PLPP4: variants seen among roughly 807,000 people sequenced by gnomAD.
PLPP4 encodes phospholipid phosphatase 4, also known as diacylglycerol pyrophosphate like 2.
A neutral mutation model predicts 32.2 loss-of-function variants in PLPP4; 20 were observed. The observed-to-expected ratio is 0.62, with a 90% CI of 0.44 to 0.90. The LOEUF is 0.90. Among genes scored for constraint, PLPP4 ranks in the 40% least tolerant of loss-of-function variants. The pLI is 0.00. For synonymous variants in PLPP4, 127 were observed against 133.0 expected (o/e 0.95, Z 0.31); for missense variants, 257 against 353.1 (o/e 0.73, Z 2.18).
chr10:120,574,646 A>G (rs1194479820), intron 5 of PLPP4, among the ~76,000 whole-genome samples: 1 of 152,200 alleles, frequency 6.6e-6, no homozygotes, highest in African/African-American at 2.4e-5. Flanking sequence ...CCTGGGGCTG[A>G]TCCTAGCCCC....
At chr10:120,507,777 T>C (rs1397334019) in intron 2 of PLPP4, among the ~76,000 whole-genome samples, 2 of 152,142 alleles carry the variant, frequency 1.3e-5, no homozygotes, top group Non-Finnish European at 2.9e-5. Flanking sequence ...GGGATAGAGC[T>C]AGACTGGGGG....
chr10:120,475,232 CT>C (rs568492998), intron 1 of PLPP4, among the ~76,000 whole-genome samples: 1,916 of 142,518 alleles, frequency 0.013, 43 homozygotes, highest in Admixed American at 0.059. Flanking sequence ...CCATTCCCTT[CT>C]TTTTTTTTTT....
chr10:120,460,304 C>T (rs1323379209), intron 1 of PLPP4, among the ~76,000 whole-genome samples: 3 of 152,150 alleles, frequency 2.0e-5, no homozygotes, highest in South Asian at 2.1e-4. Context: ...CACTTTTGGG[C>T]TTCTTCTGTC....
At chr10:120,478,068 G>A (rs760250884) in intron 1 of PLPP4, among the ~76,000 whole-genome samples, 13 of 152,190 alleles carry the variant, frequency 8.5e-5, no homozygotes, top group Non-Finnish European at 1.6e-4. Flanking sequence ...CCTGGAATGG[G>A]TGGCCCCTGG....
At chr10:120,543,882 G>C (rs1005620952) in intron 5 of PLPP4, among the ~76,000 whole-genome samples, 2 of 152,148 alleles carry the variant, frequency 1.3e-5, no homozygotes, top group East Asian at 3.9e-4. Flanking sequence ...TGTTGTGACT[G>C]TTTTCTTTCA....
At chr10:120,528,077 T>TG (rs1419955244) in intron 5 of PLPP4, among the ~76,000 whole-genome samples, 7 of 139,860 alleles carry the variant, frequency 5.0e-5, no homozygotes, top group East Asian at 4.1e-4. Flanking sequence ...CCGTTTTTTT[T>TG]TTTTTTTTTT....
At chr10:120,506,845 G>A (rs1010712494) in intron 2 of PLPP4, among the ~76,000 whole-genome samples, 2 of 152,194 alleles carry the variant, frequency 1.3e-5, no homozygotes, top group South Asian at 4.1e-4. Flanking sequence ...GGTGTAGTTG[G>A]AACTGTTTGA....
intron 1 of PLPP4, among the ~76,000 whole-genome samples, chr10:120,488,653 A>C (rs997176883): frequency 6.6e-6 from 1 of 152,188 alleles, no homozygotes; most frequent in African/African-American, 2.4e-5. Context: ...CTCTAGTCCA[A>C]CATGCTGCTA....
intron 5 of PLPP4, among the ~76,000 whole-genome samples, chr10:120,541,075 T>G (rs1313184668): frequency 6.6e-6 from 1 of 152,262 alleles, no homozygotes; most frequent in Non-Finnish European, 1.5e-5. Flanking sequence ...TTTAGGACTT[T>G]ACCTGGGGCT....
intron 5 of PLPP4, among the ~76,000 whole-genome samples, chr10:120,548,853 T>C (rs988049416): frequency 6.6e-6 from 1 of 152,168 alleles, no homozygotes; most frequent in African/African-American, 2.4e-5. Context: ...TTCATATGCT[T>C]TTTGGCAACA....
At chr10:120,493,515 T>C (rs1039868478) in intron 1 of PLPP4, among the ~76,000 whole-genome samples, 9 of 152,170 alleles carry the variant, frequency 5.9e-5, no homozygotes, top group African/African-American at 2.2e-4. Flanking sequence ...AGGCTTTGCA[T>C]TGGGAGCTTT....
intron 5 of PLPP4, among the ~76,000 whole-genome samples, chr10:120,547,253 A>T (rs1054318660): frequency 1.5e-4 from 23 of 151,930 alleles, no homozygotes; most frequent in Non-Finnish European, 3.2e-4. Flanking sequence ...TGCCTTTCAA[A>T]GAAAGGCATT....
At chr10:120,565,195 A>G (rs1848627644) in intron 5 of PLPP4, among the ~76,000 whole-genome samples, 1 of 151,834 alleles carries the variant, frequency 6.6e-6, no homozygotes, top group East Asian at 1.9e-4. Context: ...CAAACCACCA[A>G]CCTCTGCATA....
At position 120,461,516 on chromosome 10, in the gene PLPP4, G is replaced by T. The variant is rs371831762; in HGVS notation, c.56+4155G>T. Reference sequence around the variant, plus strand: ...TCCCTGTCATTTCTGGTGGCTCTCTGTCTGCAGGGTCCCCCTAGGAGCTGC... The same window carrying T: ...TCCCTGTCATTTCTGGTGGCTCTCTTTCTGCAGGGTCCCCCTAGGAGCTGC... On this transcript the variant is annotated intron_variant, in intron 1 of 6. Transcript: ENST00000398250. Among the ~76,000 whole-genome samples, 12 of 152,188 alleles carry T rather than the reference G, an allele frequency of 7.9e-5. No individual in the cohort carries two copies. The East Asian group carries it at 9.7e-4, about 12-fold the overall frequency.
rs1027230363 is a variant in PLPP4 at position 120,535,744 on chromosome 10, C to A, written c.445+14649C>A. Among the ~76,000 whole-genome samples, 5 of 152,090 alleles carry A rather than the reference C, an allele frequency of 3.3e-5. No homozygotes were observed. In the East Asian group the frequency reaches 9.6e-4, roughly 29 times the overall value. On this transcript the variant is annotated intron_variant, in intron 5 of 6. Transcript: ENST00000398250. The stretch of plus-strand genomic sequence containing the variant: ...TATCTCTTCCTGTTTCATGATGTGA[C>A]TTCATGTGGATGCAAACCCCCCTGG...
chr10:120,477,119 A>G (rs1284234678), intron 1 of PLPP4, among the ~76,000 whole-genome samples: 1 of 152,140 alleles, frequency 6.6e-6, no homozygotes. Flanking sequence ...TGTAAAAAAC[A>G]TCAAGAGGCT....
intron 1 of PLPP4, among the ~76,000 whole-genome samples, chr10:120,495,570 A>G (rs912374163): frequency 1.3e-5 from 2 of 152,130 alleles, no homozygotes; most frequent in African/African-American, 4.8e-5. Context: ...GTGAGGAAAT[A>G]TGCTTTCCTT....
intron 6 of PLPP4, among the ~76,000 whole-genome samples, chr10:120,585,844 A>T (rs979767524): frequency 6.6e-6 from 1 of 152,072 alleles, no homozygotes; most frequent in African/African-American, 2.4e-5. Context: ...CATTCTTGGG[A>T]ATGCCTCTTG....
At position 120,589,720 on chromosome 10, in the gene PLPP4, C is replaced by T. The variant is rs189556876; in HGVS notation, c.*218C>T. ...GTGAAGGACAACAATCTCTGAGAGA[C>T]GTGTGGAAGAGGCTGTGAAGGTGGG... On this transcript the variant is annotated 3_prime_UTR_variant, in exon 7 of 7. Transcript: ENST00000398250. The T allele has an allele frequency of 6.3e-5, 34 of 540,232 alleles. No homozygotes were observed. The East Asian group carries it at 7.5e-4, about 12-fold the overall frequency. The allele number at this position is 540,232 out of a possible 1,614,324, so 33.5% of individuals were successfully genotyped here.
Sources: gnomAD v4.1 joint callset for allele counts (sites outside exome capture counted in the v4.1 genomes callset) on GRCh38, gnomAD v4.1.1 for gene constraint, MANE v1.5 for transcripts, NCBI Gene and HGNC (gene_info 2026-07-23, HGNC 2026-07-21) for gene names.